Variants in GRIP1 observed in about 807,000 individuals in gnomAD.
GRIP1 encodes glutamate receptor interacting protein 1.
GRIP1 carries 45 observed loss-of-function variants against 129.9 expected under a neutral mutation model. The ratio of observed to expected loss-of-function variants is 0.35; its 90% CI spans 0.27 to 0.44. The LOEUF is 0.44. GRIP1 is among the 20% of genes least tolerant of loss of function. The probability of loss-of-function intolerance (pLI) is 1.00; values close to 1 mark genes in which losing one functional copy is unlikely to be tolerated. For synonymous variants in GRIP1, 530 were observed against 520.8 expected (o/e 1.02, Z -0.24); for missense variants, 1,196 against 1,396.8 (o/e 0.86, Z 2.29).
chr12:66,579,229 G>C (rs2063273081), intron 2 of GRIP1, among the ~76,000 whole-genome samples: 1 of 152,278 alleles, frequency 6.6e-6, no homozygotes, highest in East Asian at 1.9e-4. Context: ...CTAACAAAGA[G>C]AAAGGACATC....
chr12:67,044,758 TA>T (rs1003823180), intron 1 of GRIP1, among the ~76,000 whole-genome samples: 10 of 152,036 alleles, frequency 6.6e-5, no homozygotes, highest in African/African-American at 1.9e-4. Context: ...TGTTCTACAT[TA>T]AAAAAAATTA....
chr12:66,996,867 T>G (rs1354991286), intron 1 of GRIP1, among the ~76,000 whole-genome samples: 1 of 152,058 alleles, frequency 6.6e-6, no homozygotes, highest in African/African-American at 2.4e-5. Context: ...GAGGAAAACC[T>G]TCTACACTTC....
intron 2 of GRIP1, among the ~76,000 whole-genome samples, chr12:66,573,067 T>C (rs535682126): frequency 9.0e-5 from 13 of 144,042 alleles, no homozygotes; most frequent in Non-Finnish European, 1.5e-4. Flanking sequence ...CATATGTATA[T>C]ATGTCGGCAT....
intron 1 of GRIP1, among the ~76,000 whole-genome samples, chr12:66,858,893 T>C (rs1436354534): frequency 1.3e-5 from 2 of 151,890 alleles, no homozygotes; most frequent in Non-Finnish European, 2.9e-5. Flanking sequence ...TGGTGACTTT[T>C]TTGTGGTTGT....
intron 15 of GRIP1, among the ~76,000 whole-genome samples, chr12:66,408,612 G>C (rs945151501): frequency 2.0e-5 from 3 of 152,190 alleles, no homozygotes; most frequent in Admixed American, 1.3e-4. Flanking sequence ...CAGCTGTGGT[G>C]GCTATGGGGA....
At position 66,348,621 on chromosome 12, in the gene GRIP1, C is replaced by T. The variant is rs1020653595; in HGVS notation, c.*398G>A. The stretch of plus-strand genomic sequence containing the variant: ...GTTGGCCAAGTTCTTACATTAATGA[C>T]TTCATAGTAAGAAACTGATTTCAAA... On this transcript the variant is annotated 3_prime_UTR_variant, in exon 25 of 25. Transcript: ENST00000359742. 6 of 223,178 alleles carry T rather than the reference C, an allele frequency of 2.7e-5. No individual in the cohort carries two copies. Among genetic ancestry groups the T allele is most frequent in the African/African-American group, 1.4e-4 (6 of 43,292 alleles). The allele number at this position is 223,178 out of a possible 1,614,324, so 13.8% of individuals were successfully genotyped here.
At chr12:66,391,759 C>G (rs2056597088) in intron 19 of GRIP1, among the ~76,000 whole-genome samples, 1 of 151,964 alleles carries the variant, frequency 6.6e-6, no homozygotes, top group Non-Finnish European at 1.5e-5. Flanking sequence ...ACTGAGGCAG[C>G]AAGATCCCTT....
At chr12:66,972,670 C>T (rs557382083) in intron 1 of GRIP1, among the ~76,000 whole-genome samples, 41 of 152,308 alleles carry the variant, frequency 2.7e-4, no homozygotes, top group Admixed American at 2.0e-4. Flanking sequence ...AGTTCATTAA[C>T]GACCTGTCCT....
intron 15 of GRIP1, among the ~76,000 whole-genome samples, chr12:66,419,947 C>A (rs10878419): frequency 0.5 from 76,382 of 151,600 alleles, 21,341 homozygotes; most frequent in Non-Finnish European, 0.63. Context: ...AAATACAAAA[C>A]TTAGCCGGGC....
intron 1 of GRIP1, among the ~76,000 whole-genome samples, chr12:66,609,252 G>T (rs1233148488): frequency 1.3e-5 from 2 of 151,830 alleles, no homozygotes; most frequent in African/African-American, 4.8e-5. Flanking sequence ...CAATAGAGGG[G>T]GTTTGCACAA....
intron 1 of GRIP1, among the ~76,000 whole-genome samples, chr12:66,700,915 C>T (rs1315755977): frequency 6.6e-6 from 1 of 152,092 alleles, no homozygotes; most frequent in Non-Finnish European, 1.5e-5. Flanking sequence ...TGCCTAAGGT[C>T]CTGCTATGGG....
intron 4 of GRIP1, among the ~76,000 whole-genome samples, chr12:66,533,374 G>A (rs999710680): frequency 2.6e-5 from 4 of 151,878 alleles, no homozygotes; most frequent in Admixed American, 2.0e-4. Flanking sequence ...GGCCGGGCGT[G>A]GTGGCTCATG....
intron 1 of GRIP1, among the ~76,000 whole-genome samples, chr12:66,698,816 ATTTC>A (rs1209884307): frequency 6.6e-6 from 1 of 152,154 alleles, no homozygotes; most frequent in Non-Finnish European, 1.5e-5. Flanking sequence ...AAACTTGGTT[ATTTC>A]TTTCTTTGAC....
At chr12:67,000,079 T>C (rs2042528929) in intron 1 of GRIP1, among the ~76,000 whole-genome samples, 1 of 152,204 alleles carries the variant, frequency 6.6e-6, no homozygotes, top group Admixed American at 6.6e-5. Context: ...CTGTCAGGCA[T>C]TACTCTTTTC....
At chr12:66,479,451 C>G (rs36196058) in intron 7 of GRIP1, among the ~76,000 whole-genome samples, 1 of 151,854 alleles carries the variant, frequency 6.6e-6, no homozygotes, top group Admixed American at 6.6e-5. Context: ...AAAAAAAAGC[C>G]CAGGACTGGA....
intron 1 of GRIP1, among the ~76,000 whole-genome samples, chr12:66,989,320 C>T (rs2042359974): frequency 6.6e-6 from 1 of 152,230 alleles, no homozygotes; most frequent in Admixed American, 6.5e-5. Flanking sequence ...AATTGCAGCA[C>T]AGCATGGGAA....
intron 1 of GRIP1, among the ~76,000 whole-genome samples, chr12:66,871,354 A>T (rs2040293194): frequency 6.6e-6 from 1 of 152,160 alleles, no homozygotes; most frequent in African/African-American, 2.4e-5. Context: ...ACGAATAGCA[A>T]GAAACCTACT....
At chr12:66,749,887 G>C (rs968402020) in intron 1 of GRIP1, among the ~76,000 whole-genome samples, 1 of 152,178 alleles carries the variant, frequency 6.6e-6, no homozygotes, top group African/African-American at 2.4e-5. Context: ...CATGGATACA[G>C]AGAGAGAAAT....
intron 1 of GRIP1, among the ~76,000 whole-genome samples, chr12:66,875,796 G>A (rs2040372747): frequency 6.6e-6 from 1 of 151,964 alleles, no homozygotes; most frequent in South Asian, 2.1e-4. Flanking sequence ...ACTACCTTAA[G>A]CCTGCCAAGC....
Sources: gnomAD v4.1 joint callset for allele counts (sites outside exome capture counted in the v4.1 genomes callset) on GRCh38, gnomAD v4.1.1 for gene constraint, MANE v1.5 for transcripts, NCBI Gene and HGNC (gene_info 2026-07-23, HGNC 2026-07-21) for gene names.